The following MRTFB variants were observed in gnomAD, a reference collection of about 807,000 sequenced individuals.
The protein encoded by MRTFB is myocardin-related transcription factor B.
MRTFB carries 29 observed loss-of-function variants against 104.2 expected under a neutral mutation model. The ratio of observed to expected loss-of-function variants is 0.28; its 90% CI spans 0.21 to 0.38. The LOEUF is 0.38. Among genes scored for constraint, MRTFB ranks in the 10% least tolerant of loss-of-function variants. MRTFB has a pLI of 1.00. For synonymous variants in MRTFB, 535 were observed against 519.5 expected (o/e 1.03, Z -0.41); for missense variants, 1,270 against 1,341.6 (o/e 0.95, Z 0.83).
At chr16:14,017,603 AT>A in the MRTFB span, among the ~76,000 whole-genome samples, 1 of 2,316 alleles carries the variant, frequency 4.3e-4, no homozygotes, top group Non-Finnish European at 2.6e-3. Flanking sequence ...GTATATATAT[AT>A]ATATATATAT....
chr16:14,223,135 C>T (rs1567185137), intron 8 of MRTFB, among the ~76,000 whole-genome samples: 1 of 152,038 alleles, frequency 6.6e-6, no homozygotes, highest in Non-Finnish European at 1.5e-5. Context: ...AGTGAGACCC[C>T]ATCTCTACTA....
intron 2 of MRTFB, among the ~76,000 whole-genome samples, chr16:14,097,574 T>C (rs1392105025): frequency 2.0e-5 from 3 of 152,230 alleles, no homozygotes; most frequent in African/African-American, 4.8e-5. Context: ...GTAAACAGCT[T>C]TATTGAGGTA....
intron 3 of MRTFB, among the ~76,000 whole-genome samples, chr16:14,155,761 C>T (rs964971907): frequency 5.9e-5 from 9 of 152,156 alleles, no homozygotes; most frequent in Admixed American, 1.3e-4. Flanking sequence ...GAACGTTTCC[C>T]GACCTTGTAT....
At chr16:14,038,392 G>A in the MRTFB span, among the ~76,000 whole-genome samples, 1 of 152,176 alleles carries the variant, frequency 6.6e-6, no homozygotes, top group Non-Finnish European at 1.5e-5. Flanking sequence ...GAGGGGACAA[G>A]ATTCATTCCA....
At chr16:14,003,239 A>C in the MRTFB span, among the ~76,000 whole-genome samples, 2 of 152,138 alleles carry the variant, frequency 1.3e-5, no homozygotes, top group Non-Finnish European at 2.9e-5. Context: ...AAGATGAGCA[A>C]GTGTAGGCGT....
At chr16:14,064,405 C>T in the MRTFB span, among the ~76,000 whole-genome samples, 1 of 151,962 alleles carries the variant, frequency 6.6e-6, no homozygotes, top group African/African-American at 2.4e-5. Context: ...ATATTTTCTC[C>T]CATTGTGTGG....
At chr16:14,196,448 A>G (rs927578223) in intron 3 of MRTFB, among the ~76,000 whole-genome samples, 1 of 152,242 alleles carries the variant, frequency 6.6e-6, no homozygotes, top group Admixed American at 6.5e-5. Flanking sequence ...TAGAATTCCG[A>G]GGTCTATACC....
At chr16:14,141,710 A>G (rs936783765) in intron 3 of MRTFB, 6 of 152,182 alleles carry the variant, frequency 3.9e-5, no homozygotes, top group African/African-American at 1.4e-4. Flanking sequence ...TAAAAAAACC[A>G]TACATATACC....
chr16:14,234,286 G>A lies in MRTFB; in HGVS notation c.831+3G>A. The A allele has an allele frequency of 6.2e-7, 1 of 1,613,480 alleles. No homozygotes were observed. Among genetic ancestry groups the A allele is most frequent in the Non-Finnish European group, 8.5e-7 (1 of 1,179,738 alleles). On this transcript the variant is annotated splice_donor_region_variant and intron_variant, in intron 9 of 16. Coordinates refer to ENST00000571589, the MANE Select transcript of MRTFB (RefSeq NM_001308142.2). ...AGCCTGGCCCAGCACTGGTGAAGGT[G>A]GGTACTTTGGATACACCCTGGGTTT...
intron 3 of MRTFB, among the ~76,000 whole-genome samples, chr16:14,192,286 A>T (rs1345619727): frequency 6.6e-6 from 1 of 152,060 alleles, no homozygotes; most frequent in Non-Finnish European, 1.5e-5. Context: ...AGATGCAGGG[A>T]TCCCTTGAAC....
chr16:14,061,845 A>T, the MRTFB span, among the ~76,000 whole-genome samples: 1 of 152,114 alleles, frequency 6.6e-6, no homozygotes, highest in African/African-American at 2.4e-5. Context: ...TAGATTTTAA[A>T]ATTGCACAGA....
At chr16:14,241,374 C>T (rs1308208579) in intron 10 of MRTFB, 1 of 152,220 alleles carries the variant, frequency 6.6e-6, no homozygotes, top group Admixed American at 6.5e-5. Context: ...ACTGAATTCA[C>T]AGCAAGACAT....
At chr16:14,219,875 G>A (rs1007013697) in intron 8 of MRTFB, among the ~76,000 whole-genome samples, 2 of 152,160 alleles carry the variant, frequency 1.3e-5, no homozygotes, top group Non-Finnish European at 2.9e-5. Context: ...GGGAGGGAAG[G>A]GGAGAGAGAG....
intron 12 of MRTFB, chr16:14,248,597 G>GT (rs2043122462): frequency 5.2e-6 from 1 of 192,956 alleles, no homozygotes. Context: ...TTGCCTTGCT[G>GT]TTATTCAAGT....
the MRTFB span, among the ~76,000 whole-genome samples, chr16:14,048,928 G>C: frequency 4.6e-5 from 7 of 152,298 alleles, no homozygotes; most frequent in South Asian, 1.5e-3. Flanking sequence ...CTGGACAGAG[G>C]CTCTACTCCA....
intron 2 of MRTFB, among the ~76,000 whole-genome samples, chr16:14,098,334 G>A (rs2035508868): frequency 6.6e-6 from 1 of 152,110 alleles, no homozygotes; most frequent in Non-Finnish European, 1.5e-5. Context: ...AATGACTAAT[G>A]GAGTTGAGCA....
At chr16:14,137,714 A>G (rs780393644) in intron 2 of MRTFB, among the ~76,000 whole-genome samples, 3 of 152,166 alleles carry the variant, frequency 2.0e-5, no homozygotes, top group South Asian at 2.1e-4. Flanking sequence ...TAATATAGTC[A>G]TCACAGGCTT....
At chr16:14,166,470 T>C (rs1182830566) in intron 3 of MRTFB, among the ~76,000 whole-genome samples, 1 of 152,186 alleles carries the variant, frequency 6.6e-6, no homozygotes, top group East Asian at 1.9e-4. Flanking sequence ...AACATCCTTA[T>C]GTGAAGTACA....
intron 12 of MRTFB, 119 bp from the exon 13 acceptor site, chr16:14,248,807 C>A: frequency 9.6e-7 from 1 of 1,039,482 alleles, no homozygotes; most frequent in Non-Finnish European, 1.4e-6. Flanking sequence ...GTATCTGTAA[C>A]CTTGGTCTTA....
Sources: allele counts gnomAD v4.1 joint callset (sites outside exome capture counted in the v4.1 genomes callset), GRCh38; gene constraint gnomAD v4.1.1; transcripts MANE v1.5; gene names NCBI Gene and HGNC (gene_info 2026-07-23, HGNC 2026-07-21).